GRIN3A: variants seen among roughly 807,000 people sequenced by gnomAD.
GRIN3A encodes glutamate ionotropic receptor NMDA type subunit 3A.
Under a neutral mutation model 92.4 loss-of-function variants are expected in GRIN3A, and 47 were observed. The observed-to-expected ratio is 0.51, with a 90% CI of 0.40 to 0.65. The LOEUF is 0.65. Among genes scored for constraint, GRIN3A ranks in the 30% least tolerant of loss-of-function variants. GRIN3A has a pLI of 0.00. For missense variants in GRIN3A, 1,324 were observed against 1,393.1 expected (o/e 0.95, Z 0.79); for synonymous variants, 527 against 540.6 (o/e 0.97, Z 0.35).
intron 3 of GRIN3A, among the ~76,000 whole-genome samples, chr9:101,636,779 A>C (rs1828790180): frequency 6.6e-6 from 1 of 152,230 alleles, no homozygotes; most frequent in African/African-American, 2.4e-5. Context: ...GGGTTTATAA[A>C]CAATATGCTT....
chr9:101,640,469 G>A (rs934079716), intron 3 of GRIN3A, among the ~76,000 whole-genome samples: 26 of 152,214 alleles, frequency 1.7e-4, no homozygotes, highest in African/African-American at 4.6e-4. Context: ...GAGGATTAGT[G>A]AGATTAAGCA....
intron 6 of GRIN3A, among the ~76,000 whole-genome samples, chr9:101,583,138 A>G (rs1277248532): frequency 6.6e-6 from 1 of 152,166 alleles, no homozygotes; most frequent in African/African-American, 2.4e-5. Flanking sequence ...TAATAACCTT[A>G]CTTACCCAAG....
chr9:101,634,726 T>C (rs565176502), intron 3 of GRIN3A, among the ~76,000 whole-genome samples: 20 of 152,304 alleles, frequency 1.3e-4, no homozygotes, highest in African/African-American at 4.6e-4. Flanking sequence ...CCTATCCAAC[T>C]AATAAATACC....
chr9:101,657,117 A>G (rs1039211118), intron 3 of GRIN3A, among the ~76,000 whole-genome samples: 15 of 151,942 alleles, frequency 9.9e-5, no homozygotes, highest in African/African-American at 3.6e-4. Context: ...TTCTGGAGAA[A>G]AAATTTCTTA....
intron 3 of GRIN3A, among the ~76,000 whole-genome samples, chr9:101,668,612 TGTGTTCAC>T (rs1420322212): frequency 6.6e-6 from 1 of 152,138 alleles, no homozygotes; most frequent in Non-Finnish European, 1.5e-5. Context: ...TGATTTTATT[TGTGTTCAC>T]TGAATTCCAG....
rs536597010 is a variant in GRIN3A, at chr9:101,613,502, G to A, written c.2640C>T (p.Asn880=). 6.2e-7 allele frequency: 1 copy of A among 1,614,186 alleles called. No individual in the cohort carries two copies. The highest frequency in any genetic ancestry group is 2.2e-5 in the East Asian group (1 of 44,886). The change falls in exon 6 of 9, where the codon AAC becomes AAT. Residue 880 remains asparagine (N), a synonymous_variant. Transcript: ENST00000361820. The part of the protein sequence containing the change: ...IEGYGIGLPP[N]SPLTANISEL... ...CGGATATGTTGGCGGTCAATGGAGA[G>A]TTGGGTGGGAGGCCAATGCCGTATC...
intron 2 of GRIN3A, among the ~76,000 whole-genome samples, chr9:101,674,803 G>C (rs138920482): frequency 6.6e-6 from 1 of 152,188 alleles, no homozygotes; most frequent in African/African-American, 2.4e-5. Flanking sequence ...GGTGGAAAAT[G>C]TAAGAGGAGG....
rs28448710 is a variant in GRIN3A at position 101,642,265 on chromosome 9, A to G, written c.2353-13864T>C. 7.3e-3 allele frequency among the ~76,000 whole-genome samples: 1,108 copies of G among 152,272 alleles called. 10 individuals carry two copies. The highest frequency in any genetic ancestry group is 0.026 in the African/African-American group (1,069 of 41,544). On this transcript the variant is annotated intron_variant, in intron 3 of 8. Coordinates refer to ENST00000361820, the MANE Select transcript of GRIN3A (RefSeq NM_133445.3). ...TCAATAAATGATGTTATAGAAACTG[A>G]ATATCCATATGTAAGTGAATAATAT... is the stretch of plus-strand genomic sequence containing the variant.
At chr9:101,656,633 C>T (rs1479926318) in intron 3 of GRIN3A, among the ~76,000 whole-genome samples, 1 of 151,860 alleles carries the variant, frequency 6.6e-6, no homozygotes, top group Non-Finnish European at 1.5e-5. Flanking sequence ...AGGGCAGAGC[C>T]TGAGATTGGG....
At chr9:101,599,697 G>A (rs1828186327) in intron 6 of GRIN3A, among the ~76,000 whole-genome samples, 1 of 152,006 alleles carries the variant, frequency 6.6e-6, no homozygotes, top group Admixed American at 6.6e-5. Flanking sequence ...TATTGAGTAG[G>A]TCACATGTAA....
At chr9:101,649,042 A>G (rs180736166) in intron 3 of GRIN3A, among the ~76,000 whole-genome samples, 4 of 152,184 alleles carry the variant, frequency 2.6e-5, no homozygotes, top group Admixed American at 6.6e-5. Context: ...CTACTCTTGA[A>G]CTAAATTGAT....
At chr9:101,654,566 A>G (rs1054621974) in intron 3 of GRIN3A, among the ~76,000 whole-genome samples, 1 of 151,540 alleles carries the variant, frequency 6.6e-6, no homozygotes, top group African/African-American at 2.4e-5. Context: ...AGCTCTTCCT[A>G]TCATTCAGAG....
At chr9:101,598,901 G>A (rs936048004) in intron 6 of GRIN3A, among the ~76,000 whole-genome samples, 3 of 152,154 alleles carry the variant, frequency 2.0e-5, no homozygotes, top group African/African-American at 7.2e-5. Flanking sequence ...TGGCCCATCA[G>A]GCACTCTTAT....
chr9:101,643,725 G>A (rs1449247877), intron 3 of GRIN3A, among the ~76,000 whole-genome samples: 4 of 150,184 alleles, frequency 2.7e-5, no homozygotes, highest in South Asian at 2.1e-4. Flanking sequence ...GCTCTAACAC[G>A]GAAGGAAATA....
chr9:101,706,812 A>G (rs1462395865), intron 1 of GRIN3A, among the ~76,000 whole-genome samples: 1 of 152,186 alleles, frequency 6.6e-6, no homozygotes, highest in Non-Finnish European at 1.5e-5. Context: ...GCCCTTACCT[A>G]AAAATGTGGA....
chr9:101,650,822 C>A (rs1050079419), intron 3 of GRIN3A, among the ~76,000 whole-genome samples: 6 of 151,874 alleles, frequency 4.0e-5, no homozygotes, highest in Non-Finnish European at 8.8e-5. Flanking sequence ...TCCACCCCCC[C>A]ACACACATTT....
chr9:101,676,757 T>C (rs1485191046), intron 2 of GRIN3A, among the ~76,000 whole-genome samples: 1 of 152,086 alleles, frequency 6.6e-6, no homozygotes, highest in Non-Finnish European at 1.5e-5. Flanking sequence ...TGGTTACTTT[T>C]AATTTAGCTT....
chr9:101,625,923 A>G (rs2118874841), intron 4 of GRIN3A, among the ~76,000 whole-genome samples: 1 of 152,342 alleles, frequency 6.6e-6, no homozygotes, highest in African/African-American at 2.4e-5. Context: ...TAAAACCAGT[A>G]ATTCATGAAG....
chr9:101,717,470 C>T (rs1310924262), intron 1 of GRIN3A, among the ~76,000 whole-genome samples: 2 of 152,114 alleles, frequency 1.3e-5, no homozygotes, highest in East Asian at 1.9e-4. Context: ...CTACCACACC[C>T]GGCGGCTGAA....
Sources: gnomAD v4.1 joint callset for allele counts (sites outside exome capture counted in the v4.1 genomes callset) on GRCh38, gnomAD v4.1.1 for gene constraint, MANE v1.5 for transcripts, NCBI Gene and HGNC (gene_info 2026-07-23, HGNC 2026-07-21) for gene names.